LMX1B: variants seen among roughly 807,000 people sequenced by gnomAD.
The protein encoded by LMX1B is LIM homeobox transcription factor 1-beta.
In LMX1B, 12 loss-of-function variants were observed where a neutral mutation model predicts 51.4. The observed-to-expected ratio is 0.23, with a 90% CI of 0.15 to 0.38. LMX1B has a LOEUF of 0.38. Among genes scored for constraint, LMX1B ranks in the 10% least tolerant of loss-of-function variants. The pLI, the probability that LMX1B is intolerant of heterozygous loss-of-function variation, is 1.00. For synonymous variants in LMX1B, 237 were observed against 235.4 expected (o/e 1.01, Z -0.06); for missense variants, 445 against 571.1 (o/e 0.78, Z 2.25).
Position 126,691,066 on chromosome 9 carries a change from C to T in LMX1B, c.557C>T (p.Ser186Phe). ...TCCGTGAGCCCCGACGAGTCCGACT[C>T]CGGTGAGGCCTGGCCTGAGCTGGGG... is the stretch of plus-strand genomic sequence containing the variant. Reference protein sequence around the residue: ...LSSVSPDESDSVKSEDEDGDM... With the variant: ...LSSVSPDESDFVKSEDEDGDM... The change falls in exon 3 of 8, where the codon TCC becomes TTC. Residue 186 changes from serine (S) to phenylalanine (F), a missense_variant and splice_region_variant. Physicochemically the swap from Ser to Phe is radical, Grantham distance 155. This residue lies in a region of LMX1B where 273 missense variants were observed against 343.3 expected (regional missense o/e 0.80). Transcript: ENST00000373474. 2 of 1,606,662 alleles carry T rather than the reference C, an allele frequency of 1.2e-6. No homozygotes were observed. The highest frequency in any genetic ancestry group is 1.7e-6 in the Non-Finnish European group (2 of 1,176,266).
At chr9:126,680,636 G>T (rs1372349255) in intron 2 of LMX1B, among the ~76,000 whole-genome samples, 1 of 152,184 alleles carries the variant, frequency 6.6e-6, no homozygotes, top group African/African-American at 2.4e-5. Context: ...TGATGAGCAG[G>T]TGGGAGGAGG....
At position 126,649,384 on chromosome 9, in the gene LMX1B, G is replaced by C. The variant is rs553486984; in HGVS notation, c.326+33815G>C. Among the ~76,000 whole-genome samples the C allele has an allele frequency of 2.6e-5, 4 of 152,270 alleles. No individual in the cohort carries two copies. In the East Asian group the frequency reaches 7.7e-4, roughly 29 times the overall value. ...GGAATCTTCCAGAGGCATCTCTCCT[G>C]CTTTTCCTCCCTGCGTCCTCCCAGC... On this transcript the variant is annotated intron_variant, in intron 2 of 7. Transcript: ENST00000373474.
intron 2 of LMX1B, among the ~76,000 whole-genome samples, chr9:126,652,552 G>A (rs1836041466): frequency 6.6e-6 from 1 of 152,238 alleles, no homozygotes; most frequent in Non-Finnish European, 1.5e-5. Flanking sequence ...GTGTGTGCAG[G>A]TCTGTCCTCC....
In LMX1B at chr9:126,675,201, G is replaced by T. The variant is rs575929771; in HGVS notation, c.327-15635G>T. Among the ~76,000 whole-genome samples the T allele has an allele frequency of 5.9e-5, 9 of 152,230 alleles. 1 individual carries two copies. The South Asian group carries it at 6.2e-4, about 11-fold the overall frequency. On this transcript the variant is annotated intron_variant, in intron 2 of 7. Transcript: ENST00000373474. ...CCCCCCCAAAATACACCCAAAACCA[G>T]GCCGGGAGGGGAATGACAGATGCAC...
rs970901093 is a variant in LMX1B, at chr9:126,693,232, G to A, written c.650G>A (p.Arg217Gln). 11 of 1,611,152 alleles carry A rather than the reference G, an allele frequency of 6.8e-6. No homozygotes were observed. Among genetic ancestry groups the A allele is most frequent in the Admixed American group, 1.7e-5 (1 of 59,772 alleles). ...KGSGDDGKDPRRPKRPRTILT... is the reference protein window; with the variant it reads ...KGSGDDGKDPQRPKRPRTILT... ...AGCGGGGATGACGGGAAGGACCCGC[G>A]GAGGCCCAAGCGACCCCGGACCATC... The change falls in exon 4 of 8, where the codon CGG becomes CAG. Residue 217 changes from arginine (R) to glutamine (Q), a missense_variant. Physicochemically the swap from Arg to Gln is conservative, Grantham distance 43. Transcript: ENST00000373474.
chr9:126,696,151 G>A lies in LMX1B; in HGVS notation c.1052-143G>A. The A allele has an allele frequency of 3.5e-6, 4 of 1,150,120 alleles. No individual in the cohort carries two copies. The South Asian group carries it at 5.4e-5, about 15-fold the overall frequency. 71.2% of individuals were successfully genotyped at this position (1,150,120 alleles called of 1,614,324 possible). On this transcript the variant is annotated intron_variant, in intron 7 of 7. Coordinates refer to ENST00000373474, the MANE Select transcript of LMX1B (RefSeq NM_001174147.2). Reference sequence around the variant, plus strand: ...CCCTCCTGCCCCTGCTGACAGGAAGGGCCCCAGTCCTTCTTGGCCGGCACT... The same window carrying A: ...CCCTCCTGCCCCTGCTGACAGGAAGAGCCCCAGTCCTTCTTGGCCGGCACT...
At chr9:126,661,099 A>G (rs10760448) in intron 2 of LMX1B, among the ~76,000 whole-genome samples, 90,238 of 152,082 alleles carry the variant, frequency 0.59, 27,337 homozygotes, top group Non-Finnish European at 0.67. Context: ...GCCTCACACA[A>G]GGCAGCCTCT....
chr9:126,617,277 G>T (rs376929536), intron 2 of LMX1B, among the ~76,000 whole-genome samples: 1 of 151,598 alleles, frequency 6.6e-6, no homozygotes, highest in African/African-American at 2.4e-5. Context: ...GCCTGATCCC[G>T]AGCTCTGGCA....
chr9:126,664,744 G>T (rs1836310698), intron 2 of LMX1B, among the ~76,000 whole-genome samples: 1 of 152,164 alleles, frequency 6.6e-6, no homozygotes, highest in African/African-American at 2.4e-5. Context: ...GTGTGGTGGT[G>T]CGCGCCTGTA....
intron 2 of LMX1B, among the ~76,000 whole-genome samples, chr9:126,645,188 A>G (rs1335961182): frequency 6.6e-6 from 1 of 152,146 alleles, no homozygotes; most frequent in East Asian, 1.9e-4. Flanking sequence ...CTCACCTCCC[A>G]GAGACCACCT....
At chr9:126,630,719 T>C (rs1043414222) in intron 2 of LMX1B, among the ~76,000 whole-genome samples, 5 of 152,130 alleles carry the variant, frequency 3.3e-5, no homozygotes, top group African/African-American at 1.2e-4. Flanking sequence ...TGCAAATATA[T>C]AGTGAAAGCA....
Position 126,700,099 on chromosome 9 carries a change from C to G in LMX1B, c.*3648C>G, listed in dbSNP as rs1463779905. On this transcript the variant is annotated 3_prime_UTR_variant, in exon 8 of 8. Transcript: ENST00000373474. ...AGGAGGGACAAAAAGCTGGGCATGG[C>G]CCCAGCCAGAGCCTCATCTGCCTAC... The G allele has an allele frequency of 6.6e-6, 1 of 152,102 alleles. No individual in the cohort carries two copies. The highest frequency in any genetic ancestry group is 2.4e-5 in the African/African-American group (1 of 41,406). The allele number at this position is 152,102 out of a possible 1,614,324, so 9.4% of individuals were successfully genotyped here. A position where few individuals can be genotyped will look rare whatever the true frequency, so the allele number is the denominator to read the frequency against.
At chr9:126,623,532 ACT>A (rs1835455943) in intron 2 of LMX1B, among the ~76,000 whole-genome samples, 1 of 151,996 alleles carries the variant, frequency 6.6e-6, no homozygotes, top group Non-Finnish European at 1.5e-5. Context: ...CCCAGAGTTA[ACT>A]CTGTAGCAGA....
intron 2 of LMX1B, among the ~76,000 whole-genome samples, chr9:126,617,959 G>GTCGT (rs1407052912): frequency 2.2e-4 from 33 of 152,034 alleles, no homozygotes; most frequent in Non-Finnish European, 4.7e-4. Context: ...TAGCCAGTGA[G>GTCGT]TCGTTTCACA....
At chr9:126,653,183 C>T (rs1320453007) in intron 2 of LMX1B, among the ~76,000 whole-genome samples, 1 of 113,580 alleles carries the variant, frequency 8.8e-6, no homozygotes, top group Non-Finnish European at 1.7e-5. Context: ...GACAAGGTCT[C>T]ACTTGGTCAC....
intron 2 of LMX1B, among the ~76,000 whole-genome samples, chr9:126,637,822 T>TCCCC (rs56108871): frequency 2.2e-5 from 2 of 92,054 alleles, no homozygotes; most frequent in African/African-American, 8.9e-5. Context: ...GTGCCTGTCC[T>TCCCC]CCCCCCCCCC....
At chr9:126,659,447 C>T (rs775210600) in intron 2 of LMX1B, among the ~76,000 whole-genome samples, 6 of 152,252 alleles carry the variant, frequency 3.9e-5, no homozygotes, top group Non-Finnish European at 8.8e-5. Flanking sequence ...GCCCCCATCC[C>T]TCCTCATCCC....
chr9:126,674,019 AC>A (rs1218503485), intron 2 of LMX1B, among the ~76,000 whole-genome samples: 1 of 152,096 alleles, frequency 6.6e-6, no homozygotes, highest in African/African-American at 2.4e-5. Flanking sequence ...CGTTGCCTGC[AC>A]TGCTATGTGC....
At chr9:126,670,675 A>T (rs898545853) in intron 2 of LMX1B, among the ~76,000 whole-genome samples, 1 of 152,172 alleles carries the variant, frequency 6.6e-6, no homozygotes, top group Non-Finnish European at 1.5e-5. Context: ...GTATGCACAC[A>T]TATGTGGTAC....
Sources: allele counts gnomAD v4.1 joint callset (sites outside exome capture counted in the v4.1 genomes callset), GRCh38; gene constraint gnomAD v4.1.1; regional missense constraint gnomAD v4.1.1; transcripts MANE v1.5; gene names NCBI Gene and HGNC (gene_info 2026-07-23, HGNC 2026-07-21).